SPIDR: variants seen among roughly 807,000 people sequenced by gnomAD.
SPIDR encodes the protein scaffold protein involved in DNA repair.
Under a neutral mutation model 104.6 loss-of-function variants are expected in SPIDR, and 93 were observed. The ratio of observed to expected loss-of-function variants is 0.89; its 90% CI spans 0.75 to 1.06. The LOEUF (loss-of-function observed/expected upper bound fraction) is 1.06, where lower values mean the gene tolerates loss of function less well. Ranked by LOEUF, SPIDR falls within the 50% of genes least tolerant of loss-of-function variation. The pLI is 0.00. For synonymous variants in SPIDR, 431 were observed against 416.9 expected (o/e 1.03, Z -0.41); for missense variants, 1,154 against 1,111.2 (o/e 1.04, Z -0.55).
chr8:47,410,299 A>G (rs780407338), intron 7 of SPIDR, among the ~76,000 whole-genome samples: 21 of 151,152 alleles, frequency 1.4e-4, no homozygotes, highest in Admixed American at 2.0e-4. Context: ...CTCCTCCTCA[A>G]CCCCCGGAGT....
chr8:47,730,017 C>T (rs1485302572), intron 19 of SPIDR, among the ~76,000 whole-genome samples: 2 of 152,010 alleles, frequency 1.3e-5, no homozygotes, highest in Admixed American at 1.3e-4. Flanking sequence ...CTGCACCCAG[C>T]CTGCCCCCTG....
intron 10 of SPIDR, chr8:47,653,921 T>C: frequency 1.1e-6 from 1 of 947,948 alleles, no homozygotes; most frequent in Non-Finnish European, 1.3e-6. Flanking sequence ...GTTTACACTA[T>C]GGGAATAAGA....
intron 10 of SPIDR, among the ~76,000 whole-genome samples, chr8:47,631,686 A>G (rs977765536): frequency 6.6e-6 from 1 of 152,250 alleles, no homozygotes; most frequent in African/African-American, 2.4e-5. Flanking sequence ...ACTGTTCACC[A>G]GAAATTCAGA....
intron 7 of SPIDR, among the ~76,000 whole-genome samples, chr8:47,417,459 C>G (rs1159848661): frequency 2.0e-5 from 3 of 152,128 alleles, no homozygotes; most frequent in African/African-American, 7.2e-5. Flanking sequence ...CCTTTGCCCA[C>G]TTGTTGATGG....
At chr8:47,697,787 T>C (rs1238509832) in intron 11 of SPIDR, 1 of 152,450 alleles carries the variant, frequency 6.6e-6, no homozygotes, top group African/African-American at 2.4e-5. Context: ...AGAGGTCAGA[T>C]GAACTGTGAC....
chr8:47,458,585 A>G (rs2073418191), intron 8 of SPIDR, among the ~76,000 whole-genome samples: 1 of 151,504 alleles, frequency 6.6e-6, no homozygotes, highest in East Asian at 1.9e-4. Flanking sequence ...ATCAGCAAAC[A>G]GTGACAGTCT....
At chr8:47,507,414 A>G (rs1028124787) in intron 8 of SPIDR, among the ~76,000 whole-genome samples, 36 of 152,204 alleles carry the variant, frequency 2.4e-4, no homozygotes, top group African/African-American at 8.0e-4. Context: ...CTCCTCTGTC[A>G]GGGCCTTCTG....
chr8:47,424,631 T>A (rs1554683408), intron 7 of SPIDR, among the ~76,000 whole-genome samples: 1 of 152,040 alleles, frequency 6.6e-6, no homozygotes, highest in East Asian at 1.9e-4. Flanking sequence ...TAGATGTTCT[T>A]AAATGCAAAA....
chr8:47,728,425 A>C (rs562784787), intron 17 of SPIDR, among the ~76,000 whole-genome samples: 61 of 152,138 alleles, frequency 4.0e-4, no homozygotes, highest in Admixed American at 3.5e-3. Flanking sequence ...TAACAGAGAG[A>C]GAGCGAGACT....
At chr8:47,372,616 A>G (rs975689637) in intron 5 of SPIDR, among the ~76,000 whole-genome samples, 2 of 151,998 alleles carry the variant, frequency 1.3e-5, no homozygotes, top group African/African-American at 4.8e-5. Flanking sequence ...ACAGAGCGAG[A>G]CTCCGTCTCA....
intron 5 of SPIDR, among the ~76,000 whole-genome samples, chr8:47,339,579 T>G (rs1307920031): frequency 2.0e-5 from 3 of 152,184 alleles, no homozygotes; most frequent in Non-Finnish European, 4.4e-5. Flanking sequence ...ATTCTTTGCA[T>G]TTAGAGGACT....
intron 11 of SPIDR, among the ~76,000 whole-genome samples, chr8:47,677,147 A>G (rs943563870): frequency 6.6e-6 from 1 of 152,028 alleles, no homozygotes; most frequent in Admixed American, 6.6e-5. Context: ...ATGACTCTCT[A>G]CTAAGGGCCA....
At chr8:47,406,503 A>T (rs558731533) in intron 6 of SPIDR, among the ~76,000 whole-genome samples, 7 of 152,236 alleles carry the variant, frequency 4.6e-5, no homozygotes, top group African/African-American at 1.7e-4. Context: ...GTGCTATGGC[A>T]TATTTCTGAG....
At chr8:47,568,185 G>A (rs961305384) in intron 8 of SPIDR, among the ~76,000 whole-genome samples, 1 of 152,012 alleles carries the variant, frequency 6.6e-6, no homozygotes, top group Non-Finnish European at 1.5e-5. Flanking sequence ...TTACGAGCAT[G>A]AATCTACCTT....
intron 7 of SPIDR, among the ~76,000 whole-genome samples, chr8:47,409,580 T>C (rs563854229): frequency 7.9e-5 from 12 of 152,328 alleles, no homozygotes; most frequent in Admixed American, 4.6e-4. Context: ...TTTCTGCACA[T>C]GCTAGAATTT....
intron 5 of SPIDR, among the ~76,000 whole-genome samples, chr8:47,373,691 G>A (rs1554640466): frequency 1.3e-5 from 2 of 152,170 alleles, no homozygotes; most frequent in Admixed American, 6.5e-5. Context: ...GAGGGTGTTA[G>A]TGGTAGGCCC....
rs1449986912 is a variant in SPIDR at position 47,273,998 on chromosome 8, T to G, written c.34-5864T>G. 6.6e-5 allele frequency among the ~76,000 whole-genome samples: 10 copies of G among 152,294 alleles called. No homozygotes were observed. The East Asian group carries it at 1.7e-3, about 26-fold the overall frequency. On this transcript the variant is annotated intron_variant, in intron 1 of 19. Transcript: ENST00000297423. Reference sequence around the variant, plus strand: ...TAATCCTCTAATCACTTGGCCTTTTTGCTAAGTGACCCCATTCTCAAGTTA... The same window carrying G: ...TAATCCTCTAATCACTTGGCCTTTTGGCTAAGTGACCCCATTCTCAAGTTA...
intron 8 of SPIDR, among the ~76,000 whole-genome samples, chr8:47,520,184 C>T (rs756703586): frequency 2.0e-5 from 3 of 152,156 alleles, no homozygotes; most frequent in African/African-American, 4.8e-5. Flanking sequence ...TTTAGGGACA[C>T]GCCTCTTGTA....
intron 1 of SPIDR, among the ~76,000 whole-genome samples, chr8:47,266,413 G>A (rs1459602562): frequency 6.6e-6 from 1 of 152,108 alleles, no homozygotes; most frequent in East Asian, 1.9e-4. Context: ...TAGGATTACA[G>A]GCATGAGCCA....
Sources: allele counts gnomAD v4.1 joint callset (sites outside exome capture counted in the v4.1 genomes callset), GRCh38; gene constraint gnomAD v4.1.1; transcripts MANE v1.5; gene names NCBI Gene and HGNC (gene_info 2026-07-23, HGNC 2026-07-21).